Variants in TMEM132D observed in about 807,000 individuals in gnomAD.
TMEM132D encodes transmembrane protein 132D.
In TMEM132D, 21 loss-of-function variants were observed where a neutral mutation model predicts 62.3. The ratio of observed to expected loss-of-function variants is 0.34; its 90% CI spans 0.24 to 0.49. TMEM132D has a LOEUF of 0.49. TMEM132D is among the 20% of genes least tolerant of loss of function. TMEM132D has a pLI of 0.99. For synonymous variants in TMEM132D, 621 were observed against 575.6 expected, an observed-to-expected ratio of 1.08 and a Z score of -1.13; for missense variants, 1,346 against 1,402.8, an observed-to-expected ratio of 0.96 and a Z score of 0.65.
chr12:129,694,946 T>C (rs1370062315), intron 2 of TMEM132D, among the ~76,000 whole-genome samples: 1 of 152,090 alleles, frequency 6.6e-6, no homozygotes, highest in Non-Finnish European at 1.5e-5. Flanking sequence ...AGGCAGAGGT[T>C]GCAGTGAGCC....
intron 3 of TMEM132D, 118 bp downstream of exon 3, chr12:129,530,941 G>A (rs1481985719): frequency 6.3e-6 from 7 of 1,106,160 alleles, no homozygotes; most frequent in African/African-American, 1.6e-5. Flanking sequence ...TAGAATAGAC[G>A]ACACACACCA....
chr12:129,888,668 C>T (rs115114066), intron 1 of TMEM132D, among the ~76,000 whole-genome samples: 1 of 152,308 alleles, frequency 6.6e-6, no homozygotes, highest in African/African-American at 2.4e-5. Context: ...CACGCCATTG[C>T]ACTGCAGCTT....
At chr12:129,637,969 C>T (rs1593100039) in intron 2 of TMEM132D, among the ~76,000 whole-genome samples, 1 of 152,132 alleles carries the variant, frequency 6.6e-6, no homozygotes, top group African/African-American at 2.4e-5. Flanking sequence ...TACTAGGCCC[C>T]ACCTCCAACA....
In TMEM132D at chr12:129,525,226, GTTTTTTTTTTTTTTT is replaced by G. The variant is rs765569025; in HGVS notation, c.1115+5818_1115+5832del. On this transcript the variant is annotated intron_variant, in intron 3 of 8. Transcript: ENST00000422113. ...GGGTATGAGCCACGGTGCCCAGCCG[GTTTTTTTTTTTTTTT>G]TTTTTTTTTTTTTTGCTAATATAAT... 4.3e-3 allele frequency among the ~76,000 whole-genome samples: 289 copies of G among 67,398 alleles called. 8 individuals are homozygous for G. Among genetic ancestry groups the G allele is most frequent in the African/African-American group, 0.014 (266 of 19,668 alleles). 44.2% of individuals were successfully genotyped at this position (67,398 alleles called of 152,430 possible). A position where few individuals can be genotyped will look rare whatever the true frequency, so the allele number is the denominator to read the frequency against.
At chr12:129,877,361 T>C (rs902229325) in intron 1 of TMEM132D, among the ~76,000 whole-genome samples, 1 of 152,090 alleles carries the variant, frequency 6.6e-6, no homozygotes, top group Non-Finnish European at 1.5e-5. Flanking sequence ...GCATTTCATG[T>C]ACACGTGTCA....
intron 2 of TMEM132D, among the ~76,000 whole-genome samples, chr12:129,695,134 T>C (rs746597799): frequency 4.6e-5 from 7 of 152,246 alleles, no homozygotes; most frequent in Non-Finnish European, 1.0e-4. Context: ...TTAAACTCCA[T>C]TGAATTTAAT....
chr12:129,373,752 C>T (rs3929574), intron 3 of TMEM132D, among the ~76,000 whole-genome samples: 26,104 of 152,222 alleles, frequency 0.17, 2,737 homozygotes, highest in Non-Finnish European at 0.24. Flanking sequence ...TTCATCTGTA[C>T]TGCATTTAGG....
chr12:129,723,229 T>C (rs1432329927), intron 1 of TMEM132D, among the ~76,000 whole-genome samples: 1 of 152,196 alleles, frequency 6.6e-6, no homozygotes, highest in African/African-American at 2.4e-5. Flanking sequence ...TTCCCCGACA[T>C]TTGCTAATCT....
chr12:129,901,869 C>T (rs547083863), intron 1 of TMEM132D, among the ~76,000 whole-genome samples: 1 of 102,970 alleles, frequency 9.7e-6, no homozygotes, highest in Admixed American at 1.0e-4. Context: ...CAACCCCCCC[C>T]GCCCCAAAAA....
At chr12:129,440,982 C>T (rs937448117) in intron 3 of TMEM132D, among the ~76,000 whole-genome samples, 4 of 152,144 alleles carry the variant, frequency 2.6e-5, no homozygotes, top group South Asian at 2.1e-4. Context: ...TACCAATTAT[C>T]GTTGAGGTCT....
rs2135601759 is a variant in TMEM132D at position 129,074,080 on chromosome 12, C to G, written c.3095G>C (p.Ser1032Thr). The change falls in exon 9 of 9, where the codon AGT (serine) becomes ACT (threonine). Residue 1032 changes from serine to threonine, a missense_variant. Ser to Thr is a moderately conservative substitution (Grantham distance 58, BLOSUM62 1). Transcript: ENST00000422113. ...TGAGGTAGGGGATGTTGGGGGCTCA[C>G]TTTTCTGATCTTTCCCATCAATGAT... ...PIIIDGKDQK[S>T]EPPTSPTSKR... The G allele has an allele frequency of 3.1e-6, 5 of 1,614,096 alleles. No individual in the cohort carries two copies. The highest frequency in any genetic ancestry group is 4.2e-6 in the Non-Finnish European group (5 of 1,180,012).
At chr12:129,379,585 C>A (rs1288140626) in intron 3 of TMEM132D, among the ~76,000 whole-genome samples, 3 of 152,178 alleles carry the variant, frequency 2.0e-5, no homozygotes. Context: ...ACGATGACGT[C>A]TTTGTGCCTG....
intron 1 of TMEM132D, among the ~76,000 whole-genome samples, chr12:129,711,139 C>T (rs942841155): frequency 9.2e-5 from 14 of 152,220 alleles, no homozygotes; most frequent in Non-Finnish European, 1.8e-4. Context: ...AAATGTAACG[C>T]TTCATTGGCC....
At chr12:129,825,733 G>A (rs1476368202) in intron 1 of TMEM132D, among the ~76,000 whole-genome samples, 1 of 152,098 alleles carries the variant, frequency 6.6e-6, no homozygotes, top group Non-Finnish European at 1.5e-5. Flanking sequence ...TGCCATCCAG[G>A]CTGCACACAA....
At chr12:129,686,338 T>C (rs1042971135) in intron 2 of TMEM132D, among the ~76,000 whole-genome samples, 1 of 152,122 alleles carries the variant, frequency 6.6e-6, no homozygotes, top group African/African-American at 2.4e-5. Context: ...ATTCTCATGA[T>C]AGTGAGTGAG....
chr12:129,733,173 G>A (rs941778114), intron 1 of TMEM132D, among the ~76,000 whole-genome samples: 3 of 152,122 alleles, frequency 2.0e-5, no homozygotes, highest in South Asian at 2.1e-4. Flanking sequence ...AACCTGAAGG[G>A]GTGTGGGAAG....
At chr12:129,567,817 C>A (rs550169930) in intron 2 of TMEM132D, among the ~76,000 whole-genome samples, 1 of 152,072 alleles carries the variant, frequency 6.6e-6, no homozygotes, top group East Asian at 1.9e-4. Context: ...ATAGGTATAA[C>A]CTACATAAAC....
intron 2 of TMEM132D, among the ~76,000 whole-genome samples, chr12:129,532,420 A>G (rs1876255894): frequency 6.6e-6 from 1 of 152,202 alleles, no homozygotes; most frequent in Non-Finnish European, 1.5e-5. Context: ...TATTAATATT[A>G]GGGACAAAAG....
intron 1 of TMEM132D, among the ~76,000 whole-genome samples, chr12:129,748,590 G>T (rs902134632): frequency 9.2e-5 from 14 of 152,196 alleles, no homozygotes; most frequent in African/African-American, 1.7e-4. Flanking sequence ...CAACGAGGAG[G>T]TTCAATATAT....
Sources: allele counts gnomAD v4.1 joint callset (sites outside exome capture counted in the v4.1 genomes callset), GRCh38; gene constraint gnomAD v4.1.1; transcripts MANE v1.5; gene names NCBI Gene and HGNC (gene_info 2026-07-23, HGNC 2026-07-21).